The following WWOX variants were observed in gnomAD, a reference collection of about 807,000 sequenced individuals.
WWOX encodes WW domain-containing oxidoreductase.
In WWOX, 69 loss-of-function variants were observed where a neutral mutation model predicts 46.2. The observed-to-expected ratio is 1.49, with a 90% CI of 1.23 to 1.82. The LOEUF is 1.82. Among genes scored for constraint, WWOX ranks in the 40% most tolerant of loss-of-function variants. The probability of loss-of-function intolerance (pLI) is 0.00; values close to 1 mark genes in which losing one functional copy is unlikely to be tolerated. For missense variants in WWOX, 919 were observed against 542.6 expected (o/e 1.69, Z -6.89); for synonymous variants, 359 against 202.6 (o/e 1.77, Z -6.56).
chr16:78,992,115 A>C (rs1667290617), intron 8 of WWOX, among the ~76,000 whole-genome samples: 1 of 152,170 alleles, frequency 6.6e-6, no homozygotes, highest in Admixed American at 6.5e-5. Context: ...CTAAAGATGT[A>C]GCAATGAGTG....
At chr16:78,144,448 C>CGTGTATATATATATATATAT (rs71380475) in intron 4 of WWOX, among the ~76,000 whole-genome samples, 2 of 17,580 alleles carry the variant, frequency 1.1e-4, no homozygotes, top group African/African-American at 2.9e-4. Flanking sequence ...TATATATATA[C>CGTGTATATATATATATATAT]ACATATATAT....
At chr16:78,323,483 C>T (rs370790996) in intron 5 of WWOX, among the ~76,000 whole-genome samples, 21 of 152,220 alleles carry the variant, frequency 1.4e-4, no homozygotes, top group African/African-American at 4.6e-4. Flanking sequence ...GGAGACCCAG[C>T]AGTTTCTGCT....
intron 8 of WWOX, among the ~76,000 whole-genome samples, chr16:79,095,127 C>T (rs888928982): frequency 2.6e-5 from 4 of 152,200 alleles, no homozygotes; most frequent in South Asian, 2.1e-4. Context: ...CTCTAAAAGG[C>T]TTCCCAATGC....
intron 8 of WWOX, among the ~76,000 whole-genome samples, chr16:78,636,836 A>G (rs1413054331): frequency 6.6e-6 from 1 of 152,156 alleles, no homozygotes; most frequent in Non-Finnish European, 1.5e-5. Context: ...TCCTTCAGAT[A>G]CGCTCTTCAT....
At chr16:79,043,177 T>C (rs1250959730) in intron 8 of WWOX, among the ~76,000 whole-genome samples, 3 of 152,060 alleles carry the variant, frequency 2.0e-5, no homozygotes, top group Non-Finnish European at 4.4e-5. Context: ...TAGCTTTGAA[T>C]GGCCACATGA....
chr16:79,143,866 A>C (rs550667950), intron 8 of WWOX, among the ~76,000 whole-genome samples: 1 of 152,250 alleles, frequency 6.6e-6, no homozygotes, highest in African/African-American at 2.4e-5. Context: ...GCAGCTAGCC[A>C]CCATGTTATA....
chr16:78,726,823 TAGG>T (rs2048847640), intron 8 of WWOX, among the ~76,000 whole-genome samples: 1 of 151,862 alleles, frequency 6.6e-6, no homozygotes, highest in Admixed American at 6.6e-5. Flanking sequence ...TCTATGGAAA[TAGG>T]AGGCTTTCAG....
At chr16:78,609,159 T>C (rs777389502) in intron 8 of WWOX, among the ~76,000 whole-genome samples, 1 of 152,238 alleles carries the variant, frequency 6.6e-6, no homozygotes, top group Non-Finnish European at 1.5e-5. Context: ...GAAATCTTTC[T>C]ATCCTTTCTC....
At chr16:78,828,593 AT>A (rs1369409565) in intron 8 of WWOX, among the ~76,000 whole-genome samples, 1 of 151,948 alleles carries the variant, frequency 6.6e-6, no homozygotes, top group Non-Finnish European at 1.5e-5. Flanking sequence ...TATATACCAA[AT>A]TCTATCGGAC....
At chr16:78,405,744 A>G (rs149277721) in intron 6 of WWOX, among the ~76,000 whole-genome samples, 2 of 152,078 alleles carry the variant, frequency 1.3e-5, no homozygotes, top group Admixed American at 6.5e-5. Context: ...TGGGCTTTTT[A>G]TATATTTTCT....
chr16:78,725,641 C>G (rs1022194168), intron 8 of WWOX, among the ~76,000 whole-genome samples: 1 of 152,030 alleles, frequency 6.6e-6, no homozygotes, highest in Non-Finnish European at 1.5e-5. Context: ...AGCATTAAAA[C>G]AAAGTAATAA....
rs12918977 is a variant in WWOX, at chr16:78,930,832, G to A, written c.1057-280776G>A. ...AGTACCCGCTGTTCATAGGTCAGTC[G>A]CTATGCAAGGCACTGAGGTGACAAA... is the stretch of plus-strand genomic sequence containing the variant. On this transcript the variant is annotated intron_variant, in intron 8 of 8. Coordinates refer to ENST00000566780, the MANE Select transcript of WWOX (RefSeq NM_016373.4). Among the ~76,000 whole-genome samples the A allele has an allele frequency of 8.4e-3, 1,271 of 152,156 alleles. 6 individuals carry two copies. The highest frequency in any genetic ancestry group is 0.013 in the Non-Finnish European group (851 of 67,992).
chr16:79,094,130 A>G (rs139633486), intron 8 of WWOX, among the ~76,000 whole-genome samples: 1 of 152,052 alleles, frequency 6.6e-6, no homozygotes, highest in Non-Finnish European at 1.5e-5. Flanking sequence ...CAGAAATACA[A>G]TTCCTCATTT....
intron 8 of WWOX, among the ~76,000 whole-genome samples, chr16:78,665,880 T>A (rs544435472): frequency 6.6e-6 from 1 of 152,172 alleles, no homozygotes; most frequent in South Asian, 2.1e-4. Flanking sequence ...AGATGGAGTT[T>A]CACCATGTTG....
chr16:78,709,260 C>T (rs1456806521), intron 8 of WWOX, among the ~76,000 whole-genome samples: 2 of 152,182 alleles, frequency 1.3e-5, no homozygotes, highest in African/African-American at 2.4e-5. Flanking sequence ...TAATCTCTGC[C>T]TGCGGGAGAC....
At position 79,145,760 on chromosome 16, in the gene WWOX, TGTAAG is replaced by T. The variant is rs1338356008; in HGVS notation, c.1057-65843_1057-65839del. Among the ~76,000 whole-genome samples the T allele has an allele frequency of 2.0e-5, 3 of 152,176 alleles. No individual in the cohort carries two copies. The East Asian group carries it at 5.8e-4, about 29-fold the overall frequency. ...GAAATAATTTGAAGAGTTGGCTAGATGTAAGGTAAATATATACAAATTAGCTGGTA... is the reference window on the plus strand; with the variant it reads ...GAAATAATTTGAAGAGTTGGCTAGATGTAAATATATACAAATTAGCTGGTA... On this transcript the variant is annotated intron_variant, in intron 8 of 8. Coordinates refer to ENST00000566780, the MANE Select transcript of WWOX (RefSeq NM_016373.4).
chr16:78,649,140 A>T (rs527681479), intron 8 of WWOX, among the ~76,000 whole-genome samples: 1 of 151,832 alleles, frequency 6.6e-6, no homozygotes, highest in East Asian at 2.0e-4. Flanking sequence ...AGCCCAGCTA[A>T]TTTTTTTGGT....
At chr16:78,404,592 A>T (rs1356563315) in intron 6 of WWOX, among the ~76,000 whole-genome samples, 1 of 152,080 alleles carries the variant, frequency 6.6e-6, no homozygotes, top group East Asian at 1.9e-4. Context: ...CTTTCATATC[A>T]CAACTAAATT....
intron 8 of WWOX, chr16:79,101,761 G>C (rs62038833): frequency 2.7e-5 from 4 of 146,838 alleles, no homozygotes; most frequent in Admixed American, 2.7e-4. Context: ...AAAAAAAAAG[G>C]ACTAATACTT....
Sources: gnomAD v4.1 joint callset for allele counts (sites outside exome capture counted in the v4.1 genomes callset) on GRCh38, gnomAD v4.1.1 for gene constraint, MANE v1.5 for transcripts, NCBI Gene and HGNC (gene_info 2026-07-23, HGNC 2026-07-21) for gene names.